RNGTT: variants seen among roughly 807,000 people sequenced by gnomAD.
The protein encoded by RNGTT is mRNA-capping enzyme.
RNGTT carries 33 observed loss-of-function variants against 79.3 expected under a neutral mutation model. The ratio of observed to expected loss-of-function variants is 0.42; its 90% CI spans 0.32 to 0.56. The LOEUF (loss-of-function observed/expected upper bound fraction) is 0.56. RNGTT is among the 20% of genes least tolerant of loss of function. RNGTT has a pLI of 0.17. For missense variants in RNGTT, 497 were observed against 739.1 expected (o/e 0.67, Z 3.80); for synonymous variants, 222 against 235.9 (o/e 0.94, Z 0.54).
intron 11 of RNGTT, among the ~76,000 whole-genome samples, chr6:88,821,881 TAA>T (rs35445708): frequency 1.4e-5 from 2 of 139,204 alleles, no homozygotes; most frequent in Non-Finnish European, 3.1e-5. Context: ...ATTAGGCCAC[TAA>T]AAAAAAAAAA....
At chr6:88,705,367 G>C (rs1776095695) in intron 13 of RNGTT, among the ~76,000 whole-genome samples, 1 of 151,696 alleles carries the variant, frequency 6.6e-6, no homozygotes, top group Non-Finnish European at 1.5e-5. Context: ...ATGTAATACA[G>C]ATTTTTTAGT....
At chr6:88,739,730 TATATATA>T (rs1562227286) in intron 13 of RNGTT, among the ~76,000 whole-genome samples, 14 of 12,534 alleles carry the variant, frequency 1.1e-3, no homozygotes, top group African/African-American at 3.5e-3. Context: ...AAAAATTATA[TATATATA>T]TATATATATA....
chr6:88,800,051 T>C (rs1444411775), intron 12 of RNGTT, among the ~76,000 whole-genome samples: 1 of 152,192 alleles, frequency 6.6e-6, no homozygotes, highest in African/African-American at 2.4e-5. Context: ...ACAGAAGATA[T>C]TTCTGTTCTT....
At chr6:88,828,747 A>AT (rs1345667457) in intron 11 of RNGTT, among the ~76,000 whole-genome samples, 3 of 151,906 alleles carry the variant, frequency 2.0e-5, no homozygotes, top group Admixed American at 1.3e-4. Flanking sequence ...GCATACACAA[A>AT]TATCAACAGC....
At chr6:88,774,454 G>A (rs562133208) in intron 12 of RNGTT, among the ~76,000 whole-genome samples, 7 of 152,198 alleles carry the variant, frequency 4.6e-5, no homozygotes, top group Admixed American at 3.3e-4. Context: ...CACATGACCC[G>A]GAAGGTCCAT....
chr6:88,801,250 G>C (rs531745364), intron 12 of RNGTT, among the ~76,000 whole-genome samples: 104 of 152,112 alleles, frequency 6.8e-4, no homozygotes, highest in Non-Finnish European at 9.1e-4. Flanking sequence ...TAATGCTATT[G>C]GTAGAAAATT....
intron 14 of RNGTT, among the ~76,000 whole-genome samples, chr6:88,625,132 T>C (rs913500206): frequency 6.6e-6 from 1 of 151,958 alleles, no homozygotes. Flanking sequence ...CTAGTGGAAA[T>C]GTAAAATTGT....
intron 15 of RNGTT, among the ~76,000 whole-genome samples, 191 bp from the exon 16 acceptor site, chr6:88,613,073 C>G (rs528339510): frequency 6.6e-6 from 1 of 152,350 alleles, no homozygotes; most frequent in Non-Finnish European, 1.5e-5. Flanking sequence ...AATGGCTACT[C>G]TTTACTGCAG....
At chr6:88,637,377 C>A (rs1773137560) in intron 14 of RNGTT, among the ~76,000 whole-genome samples, 2 of 152,004 alleles carry the variant, frequency 1.3e-5, no homozygotes, top group South Asian at 4.1e-4. Flanking sequence ...TATTTTCATT[C>A]TGTTGTTCCA....
At chr6:88,660,066 G>A (rs1238293295) in intron 14 of RNGTT, among the ~76,000 whole-genome samples, 1 of 152,176 alleles carries the variant, frequency 6.6e-6, no homozygotes, top group Non-Finnish European at 1.5e-5. Flanking sequence ...CTTCATAAAT[G>A]AAGGCGAGAT....
intron 14 of RNGTT, among the ~76,000 whole-genome samples, chr6:88,615,725 C>T (rs1377188781): frequency 6.6e-6 from 1 of 152,066 alleles, no homozygotes; most frequent in Non-Finnish European, 1.5e-5. Context: ...GTGTCTATTT[C>T]CTAATTTCTA....
intron 4 of RNGTT, among the ~76,000 whole-genome samples, chr6:88,912,030 C>CAGAG (rs1562316231): frequency 6.6e-6 from 1 of 152,078 alleles, no homozygotes; most frequent in Non-Finnish European, 1.5e-5. Flanking sequence ...CTGCAGTGAG[C>CAGAG]AGAGATTGTG....
Position 88,851,174 on chromosome 6 carries a change from A to AT in RNGTT, c.1033-1349dup, listed in dbSNP as rs565079513. ...TTCATAGTATGTAAATTGTATCTCA[A>AT]TTTTTTTTAAAAAAAGAACTAAATT... On this transcript the variant is annotated intron_variant, in intron 9 of 15. Transcript: ENST00000369485. 5.5e-3 allele frequency among the ~76,000 whole-genome samples: 839 copies of AT among 151,302 alleles called. 7 individuals carry two copies. Among genetic ancestry groups the AT allele is most frequent in the Non-Finnish European group, 9.3e-3 (627 of 67,664 alleles).
chr6:88,630,062 T>A (rs1281935168), intron 14 of RNGTT, among the ~76,000 whole-genome samples: 2 of 152,116 alleles, frequency 1.3e-5, no homozygotes, highest in Non-Finnish European at 2.9e-5. Context: ...AACCCTGAGT[T>A]CCTGTGGTTT....
At chr6:88,839,514 G>A (rs180871961) in intron 11 of RNGTT, among the ~76,000 whole-genome samples, 4 of 151,990 alleles carry the variant, frequency 2.6e-5, no homozygotes, top group African/African-American at 7.3e-5. Flanking sequence ...AGGATGCAGG[G>A]AGCCATGATC....
intron 14 of RNGTT, among the ~76,000 whole-genome samples, chr6:88,645,682 C>G (rs1022858062): frequency 6.6e-6 from 1 of 152,042 alleles, no homozygotes. Flanking sequence ...CAGAACAGAG[C>G]CCTCAGAAAT....
intron 13 of RNGTT, among the ~76,000 whole-genome samples, chr6:88,739,393 T>C (rs1203702363): frequency 6.6e-6 from 1 of 151,916 alleles, no homozygotes; most frequent in East Asian, 1.9e-4. Context: ...AAGGCAAAAC[T>C]AAGAGAAAAC....
chr6:88,743,941 G>T (rs994468565), intron 13 of RNGTT, among the ~76,000 whole-genome samples: 1 of 152,060 alleles, frequency 6.6e-6, no homozygotes, highest in African/African-American at 2.4e-5. Flanking sequence ...CTACTTTATA[G>T]GTTTAGTATG....
chr6:88,686,975 A>T (rs1490802097), intron 13 of RNGTT, among the ~76,000 whole-genome samples: 1 of 151,026 alleles, frequency 6.6e-6, no homozygotes, highest in Non-Finnish European at 1.5e-5. Context: ...ACTATGTAAA[A>T]ATTTTTTTAA....
Sources: allele counts gnomAD v4.1 joint callset (sites outside exome capture counted in the v4.1 genomes callset), GRCh38; gene constraint gnomAD v4.1.1; transcripts MANE v1.5; gene names NCBI Gene and HGNC (gene_info 2026-07-23, HGNC 2026-07-21).